The following PIWIL1 variants were observed in gnomAD, a reference collection of about 807,000 sequenced individuals.
The protein encoded by PIWIL1 is piwi-like protein 1.
A neutral mutation model predicts 114.4 loss-of-function variants in PIWIL1; 73 were observed. The observed-to-expected ratio is 0.64, with a 90% confidence interval of 0.53 to 0.78. The LOEUF (loss-of-function observed/expected upper bound fraction) is 0.78. Among genes scored for constraint, PIWIL1 ranks in the 30% least tolerant of loss-of-function variants. The pLI is 0.00. For missense variants in PIWIL1, 723 were observed against 1,063.1 expected (o/e 0.68, Z 4.45); for synonymous variants, 375 against 369.0 (o/e 1.02, Z -0.19).
rs1412727892 is a variant in PIWIL1 at position 130,367,035 on chromosome 12, T to A, written c.2196-98T>A. 2.2e-6 allele frequency: 3 copies of A among 1,361,424 alleles called. No individual in the cohort carries two copies. The African/African-American group carries it at 4.3e-5, about 19-fold the overall frequency. The allele number at this position is 1,361,424 out of a possible 1,614,324, so 84.3% of individuals were successfully genotyped here. On this transcript the variant is annotated intron_variant, in intron 18 of 20. Coordinates refer to ENST00000245255, the MANE Select transcript of PIWIL1 (RefSeq NM_004764.5). ...GACAGATGATACGCCCCAGGAGGGA[T>A]GTGTTCCTTTTTAAATGGAGCATGT...
chr12:130,352,930 G>A (rs80239915), intron 9 of PIWIL1, among the ~76,000 whole-genome samples: 3,068 of 152,272 alleles, frequency 0.02, 114 homozygotes, highest in African/African-American at 0.068. Flanking sequence ...GTATAGCTAC[G>A]TGAAGCAGAG....
At chr12:130,413,404 C>T in the PIWIL1 span, among the ~76,000 whole-genome samples, 1 of 152,074 alleles carries the variant, frequency 6.6e-6, no homozygotes, top group African/African-American at 2.4e-5. Flanking sequence ...CCAAGGCGGG[C>T]AGATCACTTA....
the PIWIL1 span, among the ~76,000 whole-genome samples, chr12:130,408,255 G>C: frequency 6.6e-6 from 1 of 152,206 alleles, no homozygotes; most frequent in African/African-American, 2.4e-5. Flanking sequence ...GCCTGTTTGT[G>C]TAACTATGGT....
chr12:130,424,648 C>T, the PIWIL1 span: 2 of 1,231,842 alleles, frequency 1.6e-6, no homozygotes, highest in Non-Finnish European at 2.0e-6. This position sits in a 1 kb window ranked among gnomAD's most constrained non-coding sequence, Gnocchi z 9.8. Context: ...GCCTCGTCGC[C>T]CCTGTAGGGC....
the PIWIL1 span, chr12:130,424,501 C>T: frequency 6.1e-5 from 75 of 1,231,952 alleles, no homozygotes; most frequent in Non-Finnish European, 7.4e-5. This position sits in a 1 kb window ranked among gnomAD's most constrained non-coding sequence, Gnocchi z 9.8. Context: ...TCTTCACTCC[C>T]ACAGTCCAGG....
intron 12 of PIWIL1, among the ~76,000 whole-genome samples, chr12:130,356,059 T>C (rs544295874): frequency 1.2e-4 from 18 of 151,834 alleles, no homozygotes; most frequent in African/African-American, 4.1e-4. Context: ...TTTTTTTTTT[T>C]CAATAACTTG....
At chr12:130,382,088 C>T in the PIWIL1 span, among the ~76,000 whole-genome samples, 1 of 152,156 alleles carries the variant, frequency 6.6e-6, no homozygotes, top group African/African-American at 2.4e-5. Flanking sequence ...ATTGAATCCT[C>T]TTTTTAAAAA....
chr12:130,344,916 C>T (rs1202965479), intron 3 of PIWIL1, among the ~76,000 whole-genome samples: 1 of 152,142 alleles, frequency 6.6e-6, no homozygotes, highest in African/African-American at 2.4e-5. Flanking sequence ...TATATTACTC[C>T]AAAAATAGAA....
At chr12:130,391,194 AG>A in the PIWIL1 span, among the ~76,000 whole-genome samples, 4 of 152,228 alleles carry the variant, frequency 2.6e-5, no homozygotes, top group Non-Finnish European at 2.9e-5. Flanking sequence ...AGGAAGAGGA[AG>A]GGCTGCTGAG....
intron 16 of PIWIL1, among the ~76,000 whole-genome samples, chr12:130,362,298 C>A (rs1022716619): frequency 6.6e-6 from 1 of 152,180 alleles, no homozygotes; most frequent in African/African-American, 2.4e-5. Flanking sequence ...CATTTAGCTG[C>A]CGCTTATAAG....
the PIWIL1 span, among the ~76,000 whole-genome samples, chr12:130,407,201 C>T: frequency 6.6e-6 from 1 of 152,200 alleles, no homozygotes; most frequent in Non-Finnish European, 1.5e-5. Flanking sequence ...GGTTCACATA[C>T]ATCTTGTCAT....
chr12:130,424,451 C>T, the PIWIL1 span: 28 of 1,232,126 alleles, frequency 2.3e-5, no homozygotes, highest in Middle Eastern at 3.1e-4. The surrounding 1 kb of genome is among the most constrained non-coding windows in gnomAD (Gnocchi z 9.8). Context: ...CTGGGCTGCA[C>T]GCGGCCACGG....
intron 3 of PIWIL1, 30 bp from the exon 4 acceptor site, chr12:130,345,723 T>A: frequency 1.9e-6 from 3 of 1,612,990 alleles, no homozygotes; most frequent in Non-Finnish European, 2.5e-6. Context: ...TCGTGCTTTA[T>A]GTTGCTCAAG....
chr12:130,407,725 C>T, the PIWIL1 span: 1 of 1,612,586 alleles, frequency 6.2e-7, no homozygotes, highest in Non-Finnish European at 8.5e-7. Flanking sequence ...TTGGCTGGTA[C>T]CTCGACATCG....
chr12:130,358,019 C>T (rs569818766), intron 14 of PIWIL1, among the ~76,000 whole-genome samples: 3 of 152,338 alleles, frequency 2.0e-5, no homozygotes, highest in East Asian at 1.9e-4. Flanking sequence ...CATGCATCCA[C>T]ATCACCCCGA....
the PIWIL1 span, among the ~76,000 whole-genome samples, chr12:130,399,466 T>G: frequency 1.3e-5 from 2 of 152,134 alleles, no homozygotes; most frequent in Non-Finnish European, 2.9e-5. Flanking sequence ...GATTGATTGA[T>G]TAGAATTGAA....
intron 17 of PIWIL1, 51 bp from the exon 18 acceptor site, chr12:130,362,940 G>A (rs776202532): frequency 6.4e-5 from 103 of 1,611,862 alleles, no homozygotes; most frequent in Non-Finnish European, 8.5e-5. Context: ...AAGAACAGAC[G>A]AGTTGTGTCG....
rs1031104178 is a variant in PIWIL1 at position 130,371,842 on chromosome 12, T to G, written c.*244T>G. On this transcript the variant is annotated 3_prime_UTR_variant, in exon 21 of 21. Coordinates refer to ENST00000245255, the MANE Select transcript of PIWIL1 (RefSeq NM_004764.5). Reference sequence around the variant, plus strand: ...ATTTTGTGAGCATTTTTTTGTTTATTTTGAAGAAATGTGGATAAGATACTT... The same window carrying G: ...ATTTTGTGAGCATTTTTTTGTTTATGTTGAAGAAATGTGGATAAGATACTT... The G allele has an allele frequency of 7.4e-6, 2 of 271,386 alleles. No homozygotes were observed. The highest frequency in any genetic ancestry group is 1.4e-5 in the Non-Finnish European group (2 of 144,680). The allele number at this position is 271,386 out of a possible 1,614,324, so 16.8% of individuals were successfully genotyped here.
intron 3 of PIWIL1, among the ~76,000 whole-genome samples, chr12:130,344,383 T>C (rs368142076): frequency 3.4e-4 from 51 of 152,186 alleles, no homozygotes; most frequent in East Asian, 2.3e-3. Context: ...GATTTTTAGG[T>C]AGAGCCCCCT....
Sources: gnomAD v4.1 joint callset for allele counts (sites outside exome capture counted in the v4.1 genomes callset) on GRCh38, gnomAD v4.1.1 for gene constraint, Gnocchi (gnomAD v3.1) non-coding constraint, MANE v1.5 for transcripts, NCBI Gene and HGNC (gene_info 2026-07-23, HGNC 2026-07-21) for gene names.